MYO3A: variants seen among roughly 807,000 people sequenced by gnomAD.
MYO3A encodes myosin IIIA.
MYO3A carries 180 observed loss-of-function variants against 192.7 expected under a neutral mutation model. The ratio of observed to expected loss-of-function variants is 0.93; its 90% CI spans 0.83 to 1.06. The LOEUF (loss-of-function observed/expected upper bound fraction) is 1.06, where lower values mean the gene tolerates loss of function less well. Ranked by LOEUF, MYO3A falls within the 50% of genes least tolerant of loss-of-function variation. MYO3A has a pLI of 0.00. For synonymous variants in MYO3A, 628 were observed against 645.3 expected, an observed-to-expected ratio of 0.97 and a Z score of 0.41; for missense variants, 1,896 against 1,905.0, an observed-to-expected ratio of 1.00 and a Z score of 0.09.
intron 26 of MYO3A, among the ~76,000 whole-genome samples, chr10:26,157,808 T>C (rs577285811): frequency 6.8e-4 from 103 of 152,300 alleles, no homozygotes; most frequent in South Asian, 1.4e-3. Context: ...GCTATGTGAC[T>C]GTAGGCCTAT....
intron 7 of MYO3A, among the ~76,000 whole-genome samples, chr10:26,019,195 G>A (rs1405958267): frequency 6.7e-6 from 1 of 150,024 alleles, no homozygotes; most frequent in Non-Finnish European, 1.5e-5. Context: ...CTGTCTCTGT[G>A]GACTGGCCTT....
chr10:26,198,570 A>G (rs1380226378), intron 32 of MYO3A, among the ~76,000 whole-genome samples: 2 of 152,228 alleles, frequency 1.3e-5, no homozygotes, highest in Non-Finnish European at 2.9e-5. Flanking sequence ...CATCCGTCTA[A>G]ATAAAGAAAT....
At chr10:25,987,297 G>A (rs1839712248) in intron 4 of MYO3A, among the ~76,000 whole-genome samples, 3 of 152,176 alleles carry the variant, frequency 2.0e-5, no homozygotes, top group African/African-American at 2.4e-5. Context: ...AGACATTGGC[G>A]TAGGCAAAGA....
At chr10:26,028,407 C>A (rs1276651368) in intron 10 of MYO3A, among the ~76,000 whole-genome samples, 1 of 152,088 alleles carries the variant, frequency 6.6e-6, no homozygotes, top group East Asian at 1.9e-4. Context: ...CAGAGACAGA[C>A]CTGATATACC....
At chr10:26,006,182 A>G (rs1018392897) in intron 6 of MYO3A, among the ~76,000 whole-genome samples, 3 of 152,202 alleles carry the variant, frequency 2.0e-5, no homozygotes, top group Non-Finnish European at 4.4e-5. Context: ...TTTGAAACCA[A>G]CGAGAACAAA....
intron 2 of MYO3A, among the ~76,000 whole-genome samples, chr10:25,941,666 T>G (rs937942160): frequency 2.6e-5 from 4 of 152,230 alleles, no homozygotes; most frequent in Non-Finnish European, 5.9e-5. Flanking sequence ...TGAGTGGTAT[T>G]AAGTACAGTC....
intron 34 of MYO3A, among the ~76,000 whole-genome samples, chr10:26,211,080 C>T (rs1226897694): frequency 6.6e-6 from 1 of 152,186 alleles, no homozygotes; most frequent in Admixed American, 6.5e-5. Context: ...CTGTGGGTCT[C>T]CTGCACTAGA....
chr10:26,075,285 A>T (rs993263894), intron 14 of MYO3A, among the ~76,000 whole-genome samples: 1 of 150,648 alleles, frequency 6.6e-6, no homozygotes, highest in Non-Finnish European at 1.5e-5. Context: ...TATTTTTTTT[A>T]ATTTTTCCAT....
At chr10:25,988,160 A>T (rs1300612486) in intron 4 of MYO3A, among the ~76,000 whole-genome samples, 1 of 152,120 alleles carries the variant, frequency 6.6e-6, no homozygotes, top group African/African-American at 2.4e-5. Flanking sequence ...GAGCTAAGCT[A>T]TGAGGACACA....
intron 6 of MYO3A, among the ~76,000 whole-genome samples, chr10:26,011,879 C>A (rs575673387): frequency 6.6e-6 from 1 of 152,270 alleles, no homozygotes; most frequent in African/African-American, 2.4e-5. Flanking sequence ...AATCCAACAG[C>A]ACGTCAAGAA....
intron 4 of MYO3A, among the ~76,000 whole-genome samples, chr10:25,977,392 C>T (rs1019330721): frequency 6.6e-6 from 1 of 152,074 alleles, no homozygotes; most frequent in African/African-American, 2.4e-5. Flanking sequence ...AGGGGTTGGG[C>T]AGCATTCAAG....
At chr10:26,039,605 A>T (rs1465419762) in intron 10 of MYO3A, among the ~76,000 whole-genome samples, 2 of 152,054 alleles carry the variant, frequency 1.3e-5, no homozygotes, top group African/African-American at 2.4e-5. Flanking sequence ...TTTATGGTTC[A>T]ATCTTGGTAG....
At chr10:26,184,885 G>A (rs189627620) in intron 31 of MYO3A, among the ~76,000 whole-genome samples, 2 of 152,310 alleles carry the variant, frequency 1.3e-5, no homozygotes, top group East Asian at 3.9e-4. Context: ...AAGGGGTTAG[G>A]ATGAGGTTAG....
chr10:26,102,135 A>G (rs1305714248), intron 17 of MYO3A, among the ~76,000 whole-genome samples: 1 of 151,886 alleles, frequency 6.6e-6, no homozygotes, highest in Non-Finnish European at 1.5e-5. Flanking sequence ...TTCTCGCTTC[A>G]TTTCATTCAT....
chr10:26,002,581 AAGTCAGGGTGGACCAGGTAATCGGAATG>A (rs1564448305), intron 6 of MYO3A, among the ~76,000 whole-genome samples: 3 of 145,646 alleles, frequency 2.1e-5, no homozygotes, highest in Non-Finnish European at 4.5e-5. Flanking sequence ...TAATCGGAAT[AAGTCAGGGTGGACCAGGTAATCGGAATG>A]AGTCAGGGTG....
chr10:26,047,965 T>G (rs1843728788), intron 10 of MYO3A, among the ~76,000 whole-genome samples: 1 of 152,170 alleles, frequency 6.6e-6, no homozygotes, highest in African/African-American at 2.4e-5. Context: ...GCCTTCACAT[T>G]TTTAATACTC....
At chr10:26,089,412 T>C (rs1836552465) in intron 15 of MYO3A, among the ~76,000 whole-genome samples, 1 of 151,944 alleles carries the variant, frequency 6.6e-6, no homozygotes, top group South Asian at 2.1e-4. Context: ...CCATCCTGGC[T>C]AACATGGTGA....
Position 26,019,225 on chromosome 10 carries a change from T to C in MYO3A, c.586-2278T>C, listed in dbSNP as rs1842148610. 4.9e-4 allele frequency among the ~76,000 whole-genome samples: 9 copies of C among 18,338 alleles called. No homozygotes were observed. In the South Asian group the frequency reaches 0.016, roughly 32 times the overall value. The allele number at this position is 18,338 out of a possible 152,430, so 12.0% of individuals were successfully genotyped here. ...GGCCTTTTCTGGTTATTCTATTTAT[T>C]TATTTATTTATTTATTTATTTATTT... is the stretch of plus-strand genomic sequence containing the variant. On this transcript the variant is annotated intron_variant, in intron 7 of 34. Transcript: ENST00000642920.
intron 6 of MYO3A, among the ~76,000 whole-genome samples, chr10:25,998,540 T>C (rs1840591382): frequency 6.6e-6 from 1 of 152,056 alleles, no homozygotes; most frequent in Non-Finnish European, 1.5e-5. Flanking sequence ...GTTAGTGTAC[T>C]AATAAGGGCT....
Sources: gnomAD v4.1 joint callset for allele counts (sites outside exome capture counted in the v4.1 genomes callset) on GRCh38, gnomAD v4.1.1 for gene constraint, MANE v1.5 for transcripts, NCBI Gene and HGNC (gene_info 2026-07-23, HGNC 2026-07-21) for gene names.